Variants in NKD1 observed in about 807,000 individuals in gnomAD.
NKD1 encodes the protein protein naked cuticle homolog 1.
A neutral mutation model predicts 56.0 loss-of-function variants in NKD1; 21 were observed. That is an observed-to-expected ratio of 0.38 (90% CI 0.27 to 0.54). The LOEUF (loss-of-function observed/expected upper bound fraction) is 0.54, where lower values mean the gene tolerates loss of function less well. Among genes scored for constraint, NKD1 ranks in the 20% least tolerant of loss-of-function variants. The pLI is 0.82. For missense variants in NKD1, 578 were observed against 642.7 expected, an observed-to-expected ratio of 0.90 and a Z score of 1.09; for synonymous variants, 263 against 265.7, an observed-to-expected ratio of 0.99 and a Z score of 0.10.
At chr16:50,625,768 G>A (rs945691219) in intron 6 of NKD1, among the ~76,000 whole-genome samples, 188 bp downstream of exon 6, 4 of 152,238 alleles carry the variant, frequency 2.6e-5, no homozygotes, top group African/African-American at 4.8e-5. Context: ...GCTGGCAAGT[G>A]GGAAGAGAAG....
chr16:50,613,220 C>T (rs755705018), intron 4 of NKD1, among the ~76,000 whole-genome samples: 3 of 151,996 alleles, frequency 2.0e-5, no homozygotes, highest in Admixed American at 6.5e-5. Flanking sequence ...GGAGAGGTAC[C>T]GAGGAGGCCG....
intron 4 of NKD1, among the ~76,000 whole-genome samples, chr16:50,612,260 T>G (rs1432313145): frequency 6.6e-6 from 1 of 152,206 alleles, no homozygotes; most frequent in Non-Finnish European, 1.5e-5. Context: ...CTGTCCAGGC[T>G]CCCAGGGGTC....
At chr16:50,608,807 C>G (rs368732244) in intron 4 of NKD1, among the ~76,000 whole-genome samples, 1 of 152,116 alleles carries the variant, frequency 6.6e-6, no homozygotes, top group Non-Finnish European at 1.5e-5. Flanking sequence ...ACACAGCCAG[C>G]CTTTCACCTC....
intron 4 of NKD1, among the ~76,000 whole-genome samples, chr16:50,609,678 A>C (rs1161070178): frequency 6.6e-6 from 1 of 152,236 alleles, no homozygotes; most frequent in Non-Finnish European, 1.5e-5. Flanking sequence ...CATTTTAACA[A>C]GCTCCCCAGG....
At chr16:50,549,830 G>T (rs1235244868) in intron 3 of NKD1, among the ~76,000 whole-genome samples, 1 of 152,164 alleles carries the variant, frequency 6.6e-6, no homozygotes, top group Non-Finnish European at 1.5e-5. Flanking sequence ...TGTCTGTACC[G>T]GCGGGATTTG....
chr16:50,579,983 C>G (rs1016976891), intron 3 of NKD1, among the ~76,000 whole-genome samples: 2 of 152,130 alleles, frequency 1.3e-5, no homozygotes, highest in African/African-American at 4.8e-5. Flanking sequence ...CTGCTGCACA[C>G]GCACCCTAAC....
chr16:50,550,919 C>A (rs2151261054), intron 3 of NKD1, among the ~76,000 whole-genome samples: 1 of 152,256 alleles, frequency 6.6e-6, no homozygotes, highest in East Asian at 1.9e-4. Context: ...CAAAGTATTC[C>A]TGCAGAATGA....
intron 3 of NKD1, among the ~76,000 whole-genome samples, chr16:50,579,676 G>A (rs1193298680): frequency 7.1e-6 from 1 of 140,922 alleles, no homozygotes; most frequent in Non-Finnish European, 1.5e-5. Flanking sequence ...ACTCTAACCC[G>A]CCACGCATGC....
intron 4 of NKD1, among the ~76,000 whole-genome samples, chr16:50,615,659 T>A (rs1227794806): frequency 1.3e-5 from 2 of 152,192 alleles, no homozygotes; most frequent in Non-Finnish European, 2.9e-5. Flanking sequence ...TTTGGACCCC[T>A]CCTTAGGGGA....
At chr16:50,563,950 G>A (rs996137757) in intron 3 of NKD1, among the ~76,000 whole-genome samples, 5 of 151,104 alleles carry the variant, frequency 3.3e-5, no homozygotes, top group African/African-American at 1.2e-4. Flanking sequence ...TCCATCCTCA[G>A]TGGGCACAGC....
chr16:50,593,622 G>A (rs1179969938), intron 3 of NKD1, among the ~76,000 whole-genome samples: 2 of 152,038 alleles, frequency 1.3e-5, no homozygotes, highest in Non-Finnish European at 2.9e-5. Flanking sequence ...GCAGGCCTGG[G>A]TCATGTGCCC....
At chr16:50,615,967 C>G (rs566952538) in intron 4 of NKD1, 28 of 438,382 alleles carry the variant, frequency 6.4e-5, no homozygotes, top group African/African-American at 4.2e-4. Flanking sequence ...ATATCTTTCT[C>G]TTTTTACTGG....
In NKD1 at chr16:50,599,457, T is replaced by G. The variant is rs74017738; in HGVS notation, c.193-8837T>G. 6.4e-3 allele frequency among the ~76,000 whole-genome samples: 974 copies of G among 152,098 alleles called. 6 individuals are homozygous for G. Among genetic ancestry groups the G allele is most frequent in the African/African-American group, 0.022 (920 of 41,488 alleles). On this transcript the variant is annotated intron_variant, in intron 3 of 9. Transcript: ENST00000268459. ...ACCCAGACCTGACTGACAACTCGAG[T>G]GAGTCACTTAACCTCTCTAAGCCTC...
In NKD1 at chr16:50,548,445, G is replaced by A. The variant is rs1032719004; in HGVS notation, c.-109G>A. 18 of 792,448 alleles carry A rather than the reference G, an allele frequency of 2.3e-5. No individual in the cohort carries two copies. The highest frequency in any genetic ancestry group is 2.9e-5 in the Non-Finnish European group (17 of 595,426). 49.1% of individuals were successfully genotyped at this position (792,448 alleles called of 1,614,324 possible). A position where few individuals can be genotyped will look rare whatever the true frequency, so the allele number is the denominator to read the frequency against. ...GGAGCGCGTCCCGGCGCCGCCTCGG[G>A]CTCCGCTCGGCTCGGGGGCTGCTTC... is the stretch of plus-strand genomic sequence containing the variant. On this transcript the variant is annotated 5_prime_UTR_variant, in exon 1 of 10. Coordinates refer to ENST00000268459, the MANE Select transcript of NKD1 (RefSeq NM_033119.5).
chr16:50,573,295 G>A (rs767697772), intron 3 of NKD1, among the ~76,000 whole-genome samples: 6 of 152,236 alleles, frequency 3.9e-5, no homozygotes, highest in Admixed American at 6.5e-5. Flanking sequence ...CTGGTCTCCA[G>A]GTGGCTGAAT....
At chr16:50,554,649 T>C (rs1410067994) in intron 3 of NKD1, among the ~76,000 whole-genome samples, 1 of 152,204 alleles carries the variant, frequency 6.6e-6, no homozygotes, top group Non-Finnish European at 1.5e-5. Context: ...ATTATTATTT[T>C]TTAGACACAT....
intron 3 of NKD1, among the ~76,000 whole-genome samples, chr16:50,582,388 G>A (rs1961136839): frequency 6.6e-6 from 1 of 152,192 alleles, no homozygotes; most frequent in South Asian, 2.1e-4. Context: ...CCTCCCAGGG[G>A]AGTCTGGATC....
intron 3 of NKD1, among the ~76,000 whole-genome samples, chr16:50,575,861 G>T (rs1960983019): frequency 6.6e-6 from 1 of 152,166 alleles, no homozygotes; most frequent in African/African-American, 2.4e-5. Context: ...CGATATCTGG[G>T]TACATCCCTC....
At position 50,637,439 on chromosome 16, in the gene NKD1, G is replaced by C. The variant is rs1255876957; in HGVS notation, c.*3658G>C. 1.3e-5 allele frequency: 2 copies of C among 152,112 alleles called. No individual in the cohort carries two copies. Among genetic ancestry groups the C allele is most frequent in the African/African-American group, 2.4e-5 (1 of 41,402 alleles). The allele number at this position is 152,112 out of a possible 1,614,324, so 9.4% of individuals were successfully genotyped here. A position where few individuals can be genotyped will look rare whatever the true frequency, so the allele number is the denominator to read the frequency against. ...AAAAATTAGCTGGGCATGGTGGTGC[G>C]TGCCTGTAATCTCAGCTACTCGGGA... On this transcript the variant is annotated 3_prime_UTR_variant, in exon 10 of 10. Coordinates refer to ENST00000268459, the MANE Select transcript of NKD1 (RefSeq NM_033119.5).
Sources: allele counts gnomAD v4.1 joint callset (sites outside exome capture counted in the v4.1 genomes callset), GRCh38; gene constraint gnomAD v4.1.1; transcripts MANE v1.5; gene names NCBI Gene and HGNC (gene_info 2026-07-23, HGNC 2026-07-21).